DHX30: variants seen among roughly 807,000 people sequenced by gnomAD.
DHX30 encodes the protein ATP-dependent RNA helicase DHX30.
A neutral mutation model predicts 116.9 loss-of-function variants in DHX30; 4 were observed. That is an observed-to-expected ratio of 0.03 (90% confidence interval 0.02 to 0.08). The LOEUF is 0.08. Ranked by LOEUF, DHX30 falls within the 10% of genes least tolerant of loss-of-function variation. The pLI is 1.00. For synonymous variants in DHX30, 697 were observed against 651.7 expected, an observed-to-expected ratio of 1.07 and a Z score of -1.06; for missense variants, 871 against 1,595.1, an observed-to-expected ratio of 0.55 and a Z score of 7.73.
chr3:47,817,309 C>T (rs1404514347), intron 3 of DHX30, among the ~76,000 whole-genome samples: 1 of 152,164 alleles, frequency 6.6e-6, no homozygotes, highest in Non-Finnish European at 1.5e-5. Context: ...CCTTCCTTAC[C>T]CATGTATTTC....
chr3:47,803,909 T>A (rs1435798128), intron 1 of DHX30, among the ~76,000 whole-genome samples: 1 of 152,202 alleles, frequency 6.6e-6, no homozygotes, highest in Non-Finnish European at 1.5e-5. Context: ...ATTATGATTT[T>A]TCAAGGCAGA....
intron 4 of DHX30, chr3:47,824,755 T>TC (rs1218248352): frequency 1.1e-5 from 4 of 359,866 alleles, no homozygotes; most frequent in African/African-American, 6.4e-5. Flanking sequence ...AGCATTATTT[T>TC]CCCCCCAACA....
Position 47,846,929 on chromosome 3 carries a change from G to A in DHX30, c.1857G>A (p.Lys619=). ...TGCCTGGCTTCATGTACCCAGTCAA[G>A]GAGCACTACCTAGAGGACATCCTGG... The part of the protein sequence containing the change: ...IKVPGFMYPV[K]EHYLEDILAK... The change falls in exon 11 of 22, where the codon AAG becomes AAA. Residue 619 remains lysine, a synonymous_variant. Coordinates refer to ENST00000445061, the MANE Select transcript of DHX30 (RefSeq NM_138615.3). 5.0e-6 allele frequency: 8 copies of A among 1,613,634 alleles called. No homozygotes were observed. Among genetic ancestry groups the A allele is most frequent in the African/African-American group, 1.3e-5 (1 of 75,060 alleles).
chr3:47,846,013 A>G, intron 10 of DHX30, 152 bp from the exon 11 acceptor site: 1 of 1,397,662 alleles, frequency 7.2e-7, no homozygotes, highest in Non-Finnish European at 9.7e-7. Flanking sequence ...AGTCTTGCCC[A>G]CAAGGATCCC....
chr3:47,832,627 C>CTTTTTTTT (rs1232599849), intron 6 of DHX30, among the ~76,000 whole-genome samples: 1 of 142,742 alleles, frequency 7.0e-6, no homozygotes, highest in African/African-American at 2.6e-5. Context: ...ACATCTAATT[C>CTTTTTTTT]TTTTTTTTTT....
At chr3:47,808,056 A>G (rs2035613599) in intron 2 of DHX30, among the ~76,000 whole-genome samples, 1 of 151,928 alleles carries the variant, frequency 6.6e-6, no homozygotes, top group Admixed American at 6.6e-5. Flanking sequence ...GATTACAGGC[A>G]TGCACCACCA....
At chr3:47,806,745 G>A (rs1465779322) in intron 2 of DHX30, among the ~76,000 whole-genome samples, 2 of 151,864 alleles carry the variant, frequency 1.3e-5, no homozygotes, top group African/African-American at 2.4e-5. Flanking sequence ...GCGCTCAGGC[G>A]TGCCTGGCCA....
At chr3:47,830,703 C>G (rs2036805576) in intron 6 of DHX30, 1 of 152,292 alleles carries the variant, frequency 6.6e-6, no homozygotes, top group African/African-American at 2.4e-5. Context: ...AAGCCATCCT[C>G]CCACCTCAGC....
At chr3:47,841,850 C>G in intron 8 of DHX30, 113 bp downstream of exon 8, 3 of 1,471,968 alleles carry the variant, frequency 2.0e-6, no homozygotes, top group African/African-American at 1.4e-5. Flanking sequence ...CAGCCCAAAC[C>G]TAGGCCAGGT....
At chr3:47,824,256 G>T in intron 4 of DHX30, among the ~76,000 whole-genome samples, 1 of 152,072 alleles carries the variant, frequency 6.6e-6, no homozygotes. Context: ...GCCTGCCTCG[G>T]CTTCCGAAAG....
intron 6 of DHX30, among the ~76,000 whole-genome samples, chr3:47,839,335 C>T (rs1467053535): frequency 1.5e-5 from 2 of 135,068 alleles, no homozygotes; most frequent in African/African-American, 5.7e-5. Context: ...GCTCTTGTTA[C>T]CCAGGCTGGA....
At chr3:47,841,961 A>G (rs2037395053) in intron 8 of DHX30, 1 of 586,156 alleles carries the variant, frequency 1.7e-6, no homozygotes. Context: ...AGAGCAGAAG[A>G]CCCATACCTC....
intron 5 of DHX30, among the ~76,000 whole-genome samples, chr3:47,828,658 C>G (rs2036660821): frequency 6.6e-6 from 1 of 151,456 alleles, no homozygotes; most frequent in South Asian, 2.1e-4. Context: ...GTAGCCCCAG[C>G]TACTTGGGAG....
intron 3 of DHX30, chr3:47,817,015 CAA>C (rs1391450783): frequency 5.3e-6 from 5 of 937,250 alleles, no homozygotes; most frequent in African/African-American, 1.8e-5. Flanking sequence ...TTTTTTGAAA[CAA>C]GAGTCTTGTT....
intron 4 of DHX30, among the ~76,000 whole-genome samples, chr3:47,822,766 C>T (rs1046292954): frequency 2.0e-5 from 3 of 151,648 alleles, no homozygotes; most frequent in Non-Finnish European, 2.9e-5. Flanking sequence ...GCCTGGGTGA[C>T]AGAACAAGAC....
At chr3:47,835,917 G>A (rs1489579749) in intron 6 of DHX30, among the ~76,000 whole-genome samples, 2 of 152,174 alleles carry the variant, frequency 1.3e-5, no homozygotes, top group Non-Finnish European at 2.9e-5. Context: ...ATGTCTGTAG[G>A]GATTTTCGTT....
chr3:47,807,350 G>A (rs2035575873), intron 2 of DHX30, among the ~76,000 whole-genome samples: 1 of 151,952 alleles, frequency 6.6e-6, no homozygotes, highest in Non-Finnish European at 1.5e-5. Context: ...ATTAGTACAG[G>A]AAAAAGAATG....
intron 2 of DHX30, among the ~76,000 whole-genome samples, chr3:47,806,170 G>A (rs1245744100): frequency 7.3e-6 from 1 of 136,850 alleles, no homozygotes; most frequent in East Asian, 2.2e-4. Context: ...TTAGATGGGA[G>A]TCTCACTCTG....
At chr3:47,823,231 G>A (rs530230166) in intron 4 of DHX30, among the ~76,000 whole-genome samples, 3 of 151,762 alleles carry the variant, frequency 2.0e-5, no homozygotes, top group Non-Finnish European at 2.9e-5. Flanking sequence ...TCCCAACCAC[G>A]TCCCTCCCAT....
Sources: allele counts gnomAD v4.1 joint callset (sites outside exome capture counted in the v4.1 genomes callset), GRCh38; gene constraint gnomAD v4.1.1; transcripts MANE v1.5; gene names NCBI Gene and HGNC (gene_info 2026-07-23, HGNC 2026-07-21).